STK24: variants seen among roughly 807,000 people sequenced by gnomAD.
STK24 encodes the protein serine/threonine-protein kinase 24.
A neutral mutation model predicts 55.6 loss-of-function variants in STK24; 21 were observed. The ratio of observed to expected loss-of-function variants is 0.38; its 90% CI spans 0.27 to 0.54. The LOEUF is 0.54. Among genes scored for constraint, STK24 ranks in the 20% least tolerant of loss-of-function variants. The probability of loss-of-function intolerance (pLI) is 0.79; values close to 1 mark genes in which losing one functional copy is unlikely to be tolerated. For missense variants in STK24, 383 were observed against 538.4 expected (o/e 0.71, Z 2.86); for synonymous variants, 200 against 215.2 (o/e 0.93, Z 0.62).
intron 1 of STK24, among the ~76,000 whole-genome samples, chr13:98,565,415 G>T (rs1443550254): frequency 1.3e-5 from 2 of 152,092 alleles, no homozygotes; most frequent in African/African-American, 4.8e-5. Context: ...ATCACTTGAG[G>T]TCAGGAGCTT....
chr13:98,481,942 C>T (rs1488587708), intron 3 of STK24, among the ~76,000 whole-genome samples: 1 of 151,964 alleles, frequency 6.6e-6, no homozygotes, highest in Non-Finnish European at 1.5e-5. Context: ...TGGCATGCAC[C>T]TGTAGTCCCA....
chr13:98,453,005 C>T lies in STK24; in HGVS notation c.*168G>A. 1 of 608,866 alleles carries T rather than the reference C, an allele frequency of 1.6e-6. No homozygotes were observed. The highest frequency in any genetic ancestry group is 2.8e-6 in the Non-Finnish European group (1 of 356,754). The allele number at this position is 608,866 out of a possible 1,614,324, so 37.7% of individuals were successfully genotyped here. A position where few individuals can be genotyped will look rare whatever the true frequency, so the allele number is the denominator to read the frequency against. ...CCATCTGAGAGACTTCATCTGGCTG[C>T]AGCACAGTGAAGACTGTGTGTGTCC... On this transcript the variant is annotated 3_prime_UTR_variant, in exon 11 of 11. Coordinates refer to ENST00000539966, the MANE Select transcript of STK24 (RefSeq NM_001032296.4).
In STK24 at chr13:98,463,853, A is replaced by G. The variant is rs1443045938; in HGVS notation, c.784-17T>C. ...AGTGGGTCTCTGGAAAAACACACCC[A>G]ACAATTAAAGTATGAGATGAAGTTC... On this transcript the variant is annotated splice_polypyrimidine_tract_variant and intron_variant, in intron 6 of 10. Transcript: ENST00000539966. 1.9e-6 allele frequency: 3 copies of G among 1,609,668 alleles called. No individual in the cohort carries two copies. The highest frequency in any genetic ancestry group is 2.5e-6 in the Non-Finnish European group (3 of 1,177,286).
In STK24 at chr13:98,528,400, G is replaced by C. The variant is rs371850014; in HGVS notation, c.43-8927C>G. On this transcript the variant is annotated intron_variant, in intron 1 of 10. Coordinates refer to ENST00000539966, the MANE Select transcript of STK24 (RefSeq NM_001032296.4). ...TGGTCCCCTCAGCCCAGTCTAGGTG[G>C]GGGGCAAAACCAGCAACTCCAGCCA... Among the ~76,000 whole-genome samples, 10 of 152,284 alleles carry C rather than the reference G, an allele frequency of 6.6e-5. No individual in the cohort carries two copies. In the East Asian group the frequency reaches 1.5e-3, roughly 23 times the overall value.
At chr13:98,558,813 G>T (rs1290042538) in intron 1 of STK24, among the ~76,000 whole-genome samples, 1 of 151,950 alleles carries the variant, frequency 6.6e-6, no homozygotes, top group Non-Finnish European at 1.5e-5. Context: ...TTGAAAAACT[G>T]TGCTTCTTTT....
intron 2 of STK24, among the ~76,000 whole-genome samples, chr13:98,508,374 G>C (rs1443958118): frequency 6.6e-6 from 1 of 152,194 alleles, no homozygotes; most frequent in East Asian, 1.9e-4. Context: ...CCAACACTAA[G>C]AGACAAGAAA....
intron 1 of STK24, among the ~76,000 whole-genome samples, chr13:98,553,092 C>T (rs574100146): frequency 6.6e-6 from 1 of 152,302 alleles, no homozygotes; most frequent in South Asian, 2.1e-4. Context: ...CTGCACCTTA[C>T]ACTCAATTTT....
At chr13:98,565,055 T>C (rs1897529801) in intron 1 of STK24, among the ~76,000 whole-genome samples, 1 of 152,198 alleles carries the variant, frequency 6.6e-6, no homozygotes, top group Non-Finnish European at 1.5e-5. Context: ...ATACAAGCCA[T>C]AGGCTGCAAG....
intron 2 of STK24, among the ~76,000 whole-genome samples, chr13:98,512,238 T>C (rs1406620558): frequency 1.3e-5 from 2 of 152,142 alleles, no homozygotes; most frequent in Admixed American, 6.5e-5. Context: ...AACCCATACA[T>C]ACACCATACA....
chr13:98,576,295 C>G lies in STK24; in HGVS notation c.42+450G>C, dbSNP rs562565469. 5 of 900,244 alleles carry G rather than the reference C, an allele frequency of 5.6e-6. No individual in the cohort carries two copies. In the East Asian group the frequency reaches 5.9e-4, roughly 107 times the overall value. 55.8% of individuals were successfully genotyped at this position (900,244 alleles called of 1,614,324 possible). On this transcript the variant is annotated intron_variant, in intron 1 of 10. Coordinates refer to ENST00000539966, the MANE Select transcript of STK24 (RefSeq NM_001032296.4). Reference sequence around the variant, plus strand: ...CGCCCTGCCCAGGTCTCCCGCCCGCCTGCCCGGGGGTGGGGGACGAGCCTG... The same window carrying G: ...CGCCCTGCCCAGGTCTCCCGCCCGCGTGCCCGGGGGTGGGGGACGAGCCTG...
intron 2 of STK24, among the ~76,000 whole-genome samples, chr13:98,485,408 G>C (rs1566362230): frequency 6.6e-6 from 1 of 151,864 alleles, no homozygotes; most frequent in African/African-American, 2.4e-5. Flanking sequence ...AAGATCAGAT[G>C]AACCAGTTTA....
At chr13:98,531,054 G>A (rs1176954197) in intron 1 of STK24, among the ~76,000 whole-genome samples, 1 of 152,118 alleles carries the variant, frequency 6.6e-6, no homozygotes, top group Non-Finnish European at 1.5e-5. Flanking sequence ...TCCTAAAGCT[G>A]ACTGCAAACA....
intron 1 of STK24, among the ~76,000 whole-genome samples, chr13:98,525,973 G>A (rs1245352489): frequency 6.6e-6 from 1 of 152,178 alleles, no homozygotes; most frequent in Non-Finnish European, 1.5e-5. Context: ...GGGACCTCGG[G>A]GTTAAGAGCC....
At position 98,536,019 on chromosome 13, in the gene STK24, C is replaced by T. The variant is rs182303645; in HGVS notation, c.43-16546G>A. On this transcript the variant is annotated intron_variant, in intron 1 of 10. Coordinates refer to ENST00000539966, the MANE Select transcript of STK24 (RefSeq NM_001032296.4). ...GGTGTATGCAGATTTCAATTAATAACGCATTTCCTTTACCTGAAAATCTTT... is the reference window on the plus strand; with the variant it reads ...GGTGTATGCAGATTTCAATTAATAATGCATTTCCTTTACCTGAAAATCTTT... Among the ~76,000 whole-genome samples, 196 of 152,314 alleles carry T rather than the reference C, an allele frequency of 1.3e-3. 1 individual carries two copies. Among genetic ancestry groups the T allele is most frequent in the East Asian group, 9.3e-3 (48 of 5,176 alleles).
chr13:98,460,542 C>CGAGA, intron 8 of STK24, 102 bp from the exon 9 acceptor site: 1 of 917,162 alleles, frequency 1.1e-6, no homozygotes. Flanking sequence ...CAGGAGTTGC[C>CGAGA]TCTACACTTC....
At chr13:98,543,092 C>T (rs1373168374) in intron 1 of STK24, 1 of 901,634 alleles carries the variant, frequency 1.1e-6, no homozygotes, top group Non-Finnish European at 1.3e-6. Flanking sequence ...GGCCGCAGCT[C>T]CGCTCCGGCT....
intron 5 of STK24, among the ~76,000 whole-genome samples, chr13:98,470,983 G>T (rs1176533425): frequency 3.9e-5 from 6 of 152,200 alleles, no homozygotes; most frequent in East Asian, 1.9e-4. Flanking sequence ...ATCTAGAGGC[G>T]TATGTGATGT....
chr13:98,492,798 G>A (rs1425708037), intron 2 of STK24, among the ~76,000 whole-genome samples: 9 of 152,130 alleles, frequency 5.9e-5, no homozygotes, highest in South Asian at 4.1e-4. Context: ...CTCCCCTTAG[G>A]TAATCAGCCT....
In STK24 at chr13:98,450,366, G is replaced by A. The variant is rs1893129445; in HGVS notation, c.*2807C>T. 1.3e-5 allele frequency: 2 copies of A among 152,210 alleles called. No homozygotes were observed. The highest frequency in any genetic ancestry group is 4.1e-4 in the South Asian group (2 of 4,834). The allele number at this position is 152,210 out of a possible 1,614,324, so 9.4% of individuals were successfully genotyped here. A position where few individuals can be genotyped will look rare whatever the true frequency, so the allele number is the denominator to read the frequency against. On this transcript the variant is annotated 3_prime_UTR_variant, in exon 11 of 11. Transcript: ENST00000539966. ...AATGTTTATAAACTGACAGTGTTTTGCCAGAGGAAAGGTACAAAATGCTAC... is the reference window on the plus strand; with the variant it reads ...AATGTTTATAAACTGACAGTGTTTTACCAGAGGAAAGGTACAAAATGCTAC...
Sources: gnomAD v4.1 joint callset for allele counts (sites outside exome capture counted in the v4.1 genomes callset) on GRCh38, gnomAD v4.1.1 for gene constraint, MANE v1.5 for transcripts, NCBI Gene and HGNC (gene_info 2026-07-23, HGNC 2026-07-21) for gene names.